SYN3: variants seen among roughly 807,000 people sequenced by gnomAD.
The protein encoded by SYN3 is synapsin III, also known as synapsin-3.
In SYN3, 35 loss-of-function variants were observed where a neutral mutation model predicts 65.8. The ratio of observed to expected loss-of-function variants is 0.53; its 90% CI spans 0.41 to 0.70. The LOEUF (loss-of-function observed/expected upper bound fraction) is 0.70. SYN3 is among the 30% of genes least tolerant of loss of function. The pLI is 0.00. For synonymous variants in SYN3, 270 were observed against 292.9 expected (o/e 0.92, Z 0.80); for missense variants, 680 against 749.0 (o/e 0.91, Z 1.08).
chr22:32,633,358 C>T (rs1231882109), intron 6 of SYN3, among the ~76,000 whole-genome samples: 2 of 152,144 alleles, frequency 1.3e-5, no homozygotes, highest in Non-Finnish European at 2.9e-5. Context: ...GGCAGAGCCC[C>T]TGGGGTTCTA....
At chr22:32,553,119 G>A (rs954090595) in intron 7 of SYN3, among the ~76,000 whole-genome samples, 4 of 152,144 alleles carry the variant, frequency 2.6e-5, no homozygotes, top group African/African-American at 4.8e-5. Flanking sequence ...CCCCACCATC[G>A]TGACCTCATC....
chr22:32,839,252 G>A (rs1385309141), intron 6 of SYN3, among the ~76,000 whole-genome samples: 1 of 152,124 alleles, frequency 6.6e-6, no homozygotes, highest in Non-Finnish European at 1.5e-5. Context: ...GCAAACCCAA[G>A]GGAGGTGTAG....
At position 32,980,502 on chromosome 22, in the gene SYN3, A is replaced by C. The variant is rs952569672; in HGVS notation, c.369+143T>G. The C allele has an allele frequency of 1.4e-5, 10 of 730,230 alleles. No individual in the cohort carries two copies. In the African/African-American group the frequency reaches 1.6e-4, roughly 12 times the overall value. The allele number at this position is 730,230 out of a possible 1,614,324, so 45.2% of individuals were successfully genotyped here. A position where few individuals can be genotyped will look rare whatever the true frequency, so the allele number is the denominator to read the frequency against. On this transcript the variant is annotated intron_variant, in intron 3 of 13. Coordinates refer to ENST00000358763, the MANE Select transcript of SYN3 (RefSeq NM_003490.4). ...GCCCAAACAATTCTGAAATTTAATGAGACTCCCAAGTATAAGCTTGGACTT... is the reference window on the plus strand; with the variant it reads ...GCCCAAACAATTCTGAAATTTAATGCGACTCCCAAGTATAAGCTTGGACTT...
At chr22:32,554,031 T>C (rs1175517755) in intron 7 of SYN3, among the ~76,000 whole-genome samples, 1 of 152,164 alleles carries the variant, frequency 6.6e-6, no homozygotes, top group African/African-American at 2.4e-5. Flanking sequence ...ATCATCTCCT[T>C]TGAAAATTCC....
At chr22:32,724,067 A>G (rs1052138353) in intron 6 of SYN3, among the ~76,000 whole-genome samples, 1 of 152,220 alleles carries the variant, frequency 6.6e-6, no homozygotes, top group Non-Finnish European at 1.5e-5. Context: ...CTCATGTTGT[A>G]TCTGTTAAAA....
chr22:32,622,159 C>G (rs929916857), intron 6 of SYN3, among the ~76,000 whole-genome samples: 1 of 151,936 alleles, frequency 6.6e-6, no homozygotes, highest in African/African-American at 2.4e-5. Flanking sequence ...GAAAACCAGC[C>G]GACTGGAAAA....
chr22:32,805,078 T>C (rs540741306), intron 6 of SYN3, among the ~76,000 whole-genome samples: 14 of 152,198 alleles, frequency 9.2e-5, no homozygotes, highest in African/African-American at 3.4e-4. Context: ...CTGGCAGGGC[T>C]GAGGGGGGTT....
intron 6 of SYN3, among the ~76,000 whole-genome samples, chr22:32,814,188 A>AG (rs1247146931): frequency 0.029 from 4,180 of 143,104 alleles, 73 homozygotes; most frequent in Non-Finnish European, 0.035. Context: ...AAGAAAAGAA[A>AG]GAAAGAAAGA....
chr22:32,586,346 C>T (rs1398167814), intron 7 of SYN3, among the ~76,000 whole-genome samples: 1 of 152,092 alleles, frequency 6.6e-6, no homozygotes, highest in African/African-American at 2.4e-5. Flanking sequence ...AATATATAAA[C>T]TTGTGTTATG....
chr22:32,728,955 A>G (rs1183804992), intron 6 of SYN3, among the ~76,000 whole-genome samples: 1 of 152,212 alleles, frequency 6.6e-6, no homozygotes, highest in Non-Finnish European at 1.5e-5. Flanking sequence ...GTCTGTCTGC[A>G]TGCCTGGGAA....
At chr22:32,645,799 G>A (rs1764136328) in intron 6 of SYN3, among the ~76,000 whole-genome samples, 1 of 151,944 alleles carries the variant, frequency 6.6e-6, no homozygotes, top group African/African-American at 2.4e-5. Flanking sequence ...GGAGAAATAC[G>A]GTATGTAAGA....
rs1275388927 is a variant in SYN3 at position 32,664,477 on chromosome 22, T to TA, written c.712-67742_712-67741insT. 3.3e-5 allele frequency among the ~76,000 whole-genome samples: 5 copies of TA among 152,044 alleles called. No individual in the cohort carries two copies. The East Asian group carries it at 9.6e-4, about 29-fold the overall frequency. ...TATTATTTTTTATTTCCATAGGTTT[T>TA]TGGGGAACAGGAGGTGTCTGGTTAC... On this transcript the variant is annotated intron_variant, in intron 6 of 13. Coordinates refer to ENST00000358763, the MANE Select transcript of SYN3 (RefSeq NM_003490.4).
chr22:32,813,516 C>CACACAT (rs1555969677), intron 6 of SYN3, among the ~76,000 whole-genome samples: 31 of 147,438 alleles, frequency 2.1e-4, no homozygotes, highest in African/African-American at 7.8e-4. Flanking sequence ...CACACACACA[C>CACACAT]ACACACACAC....
In SYN3 at chr22:32,628,979, G is replaced by A. The variant is rs190939450; in HGVS notation, c.712-32243C>T. ...TAGACCCAGGAGGGCTCCTAGACCTGGGCAGGTAGAATTGCTCCGCCTGAT... is the reference window on the plus strand; with the variant it reads ...TAGACCCAGGAGGGCTCCTAGACCTAGGCAGGTAGAATTGCTCCGCCTGAT... On this transcript the variant is annotated intron_variant, in intron 6 of 13. Coordinates refer to ENST00000358763, the MANE Select transcript of SYN3 (RefSeq NM_003490.4). Among the ~76,000 whole-genome samples the A allele has an allele frequency of 2.6e-3, 396 of 152,284 alleles. 1 individual carries two copies. Among genetic ancestry groups the A allele is most frequent in the African/African-American group, 8.9e-3 (370 of 41,562 alleles).
intron 6 of SYN3, among the ~76,000 whole-genome samples, chr22:32,712,164 C>G (rs7291090): frequency 0.28 from 41,850 of 152,084 alleles, 8,897 homozygotes; most frequent in East Asian, 0.66. Context: ...TCCCCTGCCA[C>G]TTGTGCTCTT....
rs935376453 is a variant in SYN3 at position 32,873,253 on chromosome 22, C to A, written c.462-4128G>T. On this transcript the variant is annotated intron_variant, in intron 4 of 13. Transcript: ENST00000358763. Reference sequence around the variant, plus strand: ...GACGTGAGCCACCGTGCCCGGCCAGCATTTGTTAAATTAACAAAGGAGGGA... The same window carrying A: ...GACGTGAGCCACCGTGCCCGGCCAGAATTTGTTAAATTAACAAAGGAGGGA... 5.3e-5 allele frequency among the ~76,000 whole-genome samples: 8 copies of A among 152,212 alleles called. No homozygotes were observed. The East Asian group carries it at 1.5e-3, about 29-fold the overall frequency.
At chr22:32,774,658 G>A (rs1017735521) in intron 6 of SYN3, among the ~76,000 whole-genome samples, 1 of 151,828 alleles carries the variant, frequency 6.6e-6, no homozygotes, top group Non-Finnish European at 1.5e-5. Flanking sequence ...AATGGCGCAC[G>A]ATCTCAGCTC....
In SYN3 at chr22:33,006,805, T is replaced by C. The variant is rs1445335823; in HGVS notation, c.-143A>G. On this transcript the variant is annotated 5_prime_UTR_variant, in exon 2 of 14. Transcript: ENST00000358763. ...ATTTTGCGCAACCAGCAGTCAGCTT[T>C]AGCTGCCTTTATTTACCTGCTGGAA... 1.4e-6 allele frequency: 1 copy of C among 710,096 alleles called. No individual in the cohort carries two copies. The highest frequency in any genetic ancestry group is 3.0e-5 in the Admixed American group (1 of 33,644). 44.0% of individuals were successfully genotyped at this position (710,096 alleles called of 1,614,324 possible).
At chr22:33,022,808 A>G (rs1301415729) in intron 1 of SYN3, among the ~76,000 whole-genome samples, 4 of 152,210 alleles carry the variant, frequency 2.6e-5, no homozygotes, top group Non-Finnish European at 5.9e-5. Flanking sequence ...AAATGCCAAA[A>G]CAAGGTCCCA....
Sources: gnomAD v4.1 joint callset for allele counts (sites outside exome capture counted in the v4.1 genomes callset) on GRCh38, gnomAD v4.1.1 for gene constraint, MANE v1.5 for transcripts, NCBI Gene and HGNC (gene_info 2026-07-23, HGNC 2026-07-21) for gene names.